ANKFN1: variants seen among roughly 807,000 people sequenced by gnomAD.
ANKFN1 encodes the protein ankyrin repeat and fibronectin type III domain containing 1, also known as ankyrin repeat and fibronectin type-III domain-containing protein 1.
A neutral mutation model predicts 108.7 loss-of-function variants in ANKFN1; 74 were observed. The observed-to-expected ratio is 0.68, with a 90% confidence interval of 0.56 to 0.83. ANKFN1 has a LOEUF of 0.83. Among genes scored for constraint, ANKFN1 ranks in the 40% least tolerant of loss-of-function variants. The pLI is 0.00. For missense variants in ANKFN1, 1,505 were observed against 1,382.3 expected (o/e 1.09, Z -1.41); for synonymous variants, 547 against 516.2 (o/e 1.06, Z -0.81).
chr17:56,130,800 C>A (rs543566736), intron 4 of ANKFN1, among the ~76,000 whole-genome samples: 1 of 152,244 alleles, frequency 6.6e-6, no homozygotes, highest in East Asian at 1.9e-4. Context: ...TGCCCTCTGT[C>A]AGAGTTGATG....
At chr17:56,489,543 A>G (rs935868154) in intron 18 of ANKFN1, among the ~76,000 whole-genome samples, 3 of 151,932 alleles carry the variant, frequency 2.0e-5, no homozygotes, top group African/African-American at 4.8e-5. Context: ...TGGCATGGAC[A>G]GTGTGGGTGC....
chr17:56,417,835 A>G (rs1242198545), intron 8 of ANKFN1, among the ~76,000 whole-genome samples: 2 of 152,186 alleles, frequency 1.3e-5, no homozygotes, highest in Non-Finnish European at 2.9e-5. Flanking sequence ...CTGGGAGCCT[A>G]CTAGAACTCT....
At chr17:56,214,251 GTT>G (rs1392168470) in intron 2 of ANKFN1, among the ~76,000 whole-genome samples, 4 of 151,954 alleles carry the variant, frequency 2.6e-5, no homozygotes, top group African/African-American at 9.7e-5. Context: ...AGTAGAAAAC[GTT>G]TAGAGGAACC....
chr17:56,369,064 C>G (rs572625231), intron 6 of ANKFN1, among the ~76,000 whole-genome samples: 22 of 152,324 alleles, frequency 1.4e-4, no homozygotes, highest in African/African-American at 5.3e-4. Context: ...TACATTTATT[C>G]TAGACTCTGG....
At chr17:56,211,469 T>C (rs920894885) in intron 1 of ANKFN1, among the ~76,000 whole-genome samples, 5 of 151,728 alleles carry the variant, frequency 3.3e-5, no homozygotes, top group East Asian at 3.8e-4. Flanking sequence ...TATATGCCTA[T>C]TTTTTTTGTA....
intron 4 of ANKFN1, 124 bp downstream of exon 4, chr17:56,326,479 G>A: frequency 8.0e-7 from 1 of 1,253,830 alleles, no homozygotes; most frequent in Non-Finnish European, 1.1e-6. Flanking sequence ...ATCTTCCAAA[G>A]TTAGCTGCAG....
intron 4 of ANKFN1, among the ~76,000 whole-genome samples, chr17:56,079,331 C>T (rs1204318086): frequency 6.6e-6 from 1 of 152,104 alleles, no homozygotes; most frequent in Non-Finnish European, 1.5e-5. Context: ...GCCTCCCCAC[C>T]ATACTGGCTC....
intron 10 of ANKFN1, 67 bp downstream of exon 10, chr17:56,443,000 T>C: frequency 6.7e-7 from 1 of 1,502,322 alleles, no homozygotes; most frequent in Non-Finnish European, 9.2e-7. Context: ...ATCTTCAGGG[T>C]GCCATTGCCA....
At chr17:56,209,874 G>A (rs987304101) in intron 1 of ANKFN1, among the ~76,000 whole-genome samples, 33 of 152,004 alleles carry the variant, frequency 2.2e-4, no homozygotes, top group African/African-American at 7.5e-4. Flanking sequence ...TATGCCTCGT[G>A]TCCTCATAGC....
chr17:56,188,475 GTA>G (rs1023872047), intron 1 of ANKFN1, among the ~76,000 whole-genome samples: 84 of 147,490 alleles, frequency 5.7e-4, no homozygotes, highest in African/African-American at 2.0e-3. Context: ...TATTAAATAA[GTA>G]TATGTTTCTT....
At chr17:56,266,819 CAATT>C (rs1346000300) in intron 3 of ANKFN1, among the ~76,000 whole-genome samples, 1 of 152,152 alleles carries the variant, frequency 6.6e-6, no homozygotes, top group Non-Finnish European at 1.5e-5. Flanking sequence ...TTTTCCGTCT[CAATT>C]AATCATTTTG....
At chr17:56,264,880 T>C (rs1764507398) in intron 3 of ANKFN1, among the ~76,000 whole-genome samples, 1 of 152,186 alleles carries the variant, frequency 6.6e-6, no homozygotes, top group Non-Finnish European at 1.5e-5. Context: ...CCTCTACAAA[T>C]ACTTTGGGGT....
At chr17:56,409,521 A>G (rs1351200514) in intron 8 of ANKFN1, among the ~76,000 whole-genome samples, 3 of 152,198 alleles carry the variant, frequency 2.0e-5, no homozygotes, top group Non-Finnish European at 4.4e-5. Flanking sequence ...GAGTTGAAGA[A>G]CATCTCATAC....
At chr17:56,456,681 CCACCGTGCCCGG>C (rs1369660285) in intron 11 of ANKFN1, among the ~76,000 whole-genome samples, 168 bp from the exon 12 acceptor site, 11 of 151,942 alleles carry the variant, frequency 7.2e-5, no homozygotes, top group African/African-American at 2.7e-4. Flanking sequence ...CCAGCGAGAG[CCACCGTGCCCGG>C]CTACAAGAGC....
At chr17:56,348,110 A>T (rs1465133670) in intron 4 of ANKFN1, among the ~76,000 whole-genome samples, 1 of 152,102 alleles carries the variant, frequency 6.6e-6, no homozygotes, top group Non-Finnish European at 1.5e-5. Context: ...TTTTATGAGA[A>T]TGGAAAAAAA....
chr17:56,480,311 C>A (rs2145364485), intron 16 of ANKFN1, among the ~76,000 whole-genome samples: 1 of 152,186 alleles, frequency 6.6e-6, no homozygotes, highest in East Asian at 1.9e-4. Flanking sequence ...CAGTAGATGC[C>A]CCTGTGGTAA....
intron 8 of ANKFN1, among the ~76,000 whole-genome samples, chr17:56,391,270 C>CAT (rs1221253050): frequency 2.7e-5 from 3 of 110,062 alleles, no homozygotes; most frequent in East Asian, 2.2e-4. Context: ...TGTGTGTGTA[C>CAT]ATATATATAT....
rs1285855331 is a variant in ANKFN1, at chr17:56,446,957, T to C, written c.1100-2122T>C. On this transcript the variant is annotated intron_variant, in intron 10 of 20. Coordinates refer to ENST00000682825, the MANE Select transcript of ANKFN1 (RefSeq NM_001370326.1). ...CTTTATAGGCCAGGCCAACAGTGGCTCATGCCTGTAGTCCTAGCACTTTGG... is the reference window on the plus strand; with the variant it reads ...CTTTATAGGCCAGGCCAACAGTGGCCCATGCCTGTAGTCCTAGCACTTTGG... 3.3e-5 allele frequency among the ~76,000 whole-genome samples: 5 copies of C among 150,292 alleles called. No homozygotes were observed. The East Asian group carries it at 1.0e-3, about 31-fold the overall frequency.
chr17:56,159,928 A>G (rs371228571), intron 1 of ANKFN1, among the ~76,000 whole-genome samples: 95 of 146,788 alleles, frequency 6.5e-4, no homozygotes, highest in Middle Eastern at 3.4e-3. Context: ...AGGAGTAATT[A>G]GAGGATTTGA....
Sources: allele counts gnomAD v4.1 joint callset (sites outside exome capture counted in the v4.1 genomes callset), GRCh38; gene constraint gnomAD v4.1.1; transcripts MANE v1.5; gene names NCBI Gene and HGNC (gene_info 2026-07-23, HGNC 2026-07-21).